The following BBS9 variants were observed in gnomAD, a reference collection of about 807,000 sequenced individuals.
BBS9 encodes Bardet-Biedl syndrome 9, also known as protein PTHB1.
Under a neutral mutation model 117.7 loss-of-function variants are expected in BBS9, and 89 were observed. The ratio of observed to expected loss-of-function variants is 0.76; its 90% confidence interval spans 0.64 to 0.90. BBS9 has a LOEUF of 0.90. BBS9 is among the 40% of genes least tolerant of loss of function. The probability of loss-of-function intolerance (pLI) is 0.00; values close to 1 mark genes in which losing one functional copy is unlikely to be tolerated. For missense variants in BBS9, 982 were observed against 1,042.2 expected (o/e 0.94, Z 0.80); for synonymous variants, 379 against 370.9 (o/e 1.02, Z -0.25).
At chr7:33,293,507 T>G (rs1049712764) in intron 9 of BBS9, among the ~76,000 whole-genome samples, 1 of 152,160 alleles carries the variant, frequency 6.6e-6, no homozygotes, top group African/African-American at 2.4e-5. Context: ...TGCAGACTTG[T>G]ATTGTTTCTA....
intron 21 of BBS9, 37 bp from the exon 22 acceptor site, chr7:33,604,828 C>G (rs1585455775): frequency 6.9e-7 from 1 of 1,451,676 alleles, no homozygotes; most frequent in East Asian, 2.3e-5. Context: ...GATTTTCTTA[C>G]ACATTGCTTA....
chr7:33,389,314 T>G (rs1253662658), intron 19 of BBS9, among the ~76,000 whole-genome samples: 1 of 152,170 alleles, frequency 6.6e-6, no homozygotes, highest in Non-Finnish European at 1.5e-5. Context: ...CAAATCAGAT[T>G]TTTGTTTTCA....
rs1251773604 is a variant in BBS9 at position 33,605,819 on chromosome 7, A to G, written c.*593A>G. 6.5e-6 allele frequency: 1 copy of G among 154,796 alleles called. No homozygotes were observed. The highest frequency in any genetic ancestry group is 2.4e-5 in the African/African-American group (1 of 41,480). 9.6% of individuals were successfully genotyped at this position (154,796 alleles called of 1,614,324 possible). ...TGTTCTATTAAGCTAAACGTGGAAG[A>G]AGGGAAGTTTTCTAGTATTGTATGA... On this transcript the variant is annotated 3_prime_UTR_variant, in exon 23 of 23. Transcript: ENST00000242067.
At chr7:33,234,097 GA>G (rs1451133723) in intron 5 of BBS9, among the ~76,000 whole-genome samples, 1 of 152,008 alleles carries the variant, frequency 6.6e-6, no homozygotes, top group Non-Finnish European at 1.5e-5. Flanking sequence ...TGATCACATC[GA>G]CTGTGGTGGT....
chr7:33,443,082 A>G (rs1481568312), intron 19 of BBS9, among the ~76,000 whole-genome samples: 1 of 152,146 alleles, frequency 6.6e-6, no homozygotes, highest in Non-Finnish European at 1.5e-5. Flanking sequence ...TCATGTACTC[A>G]TTTCTGTGAA....
intron 21 of BBS9, among the ~76,000 whole-genome samples, chr7:33,547,254 A>G (rs925345320): frequency 6.6e-6 from 1 of 152,174 alleles, no homozygotes; most frequent in Non-Finnish European, 1.5e-5. Context: ...CTATAACTAG[A>G]AGAAAAAATA....
chr7:33,459,190 G>A (rs1305451290), intron 19 of BBS9, among the ~76,000 whole-genome samples: 2 of 151,992 alleles, frequency 1.3e-5, no homozygotes, highest in African/African-American at 4.8e-5. Context: ...GTTCTTTAAC[G>A]CCAGCCAGAA....
intron 17 of BBS9, among the ~76,000 whole-genome samples, chr7:33,371,243 A>C (rs1243885217): frequency 6.6e-6 from 1 of 152,182 alleles, no homozygotes; most frequent in African/African-American, 2.4e-5. Flanking sequence ...AATTATGAGA[A>C]ACAAATTTCA....
At chr7:33,538,455 G>A (rs1360954941) in intron 21 of BBS9, among the ~76,000 whole-genome samples, 1 of 151,844 alleles carries the variant, frequency 6.6e-6, no homozygotes, top group Non-Finnish European at 1.5e-5. Flanking sequence ...TTTGAGAGAG[G>A]GATTTTAAAT....
intron 20 of BBS9, among the ~76,000 whole-genome samples, chr7:33,527,407 G>A (rs58955539): frequency 0.017 from 2,591 of 152,232 alleles, 70 homozygotes; most frequent in African/African-American, 0.059. Flanking sequence ...GAGACTCCGT[G>A]GGCGTAGGAC....
intron 5 of BBS9, among the ~76,000 whole-genome samples, chr7:33,193,540 G>C (rs1211592892): frequency 6.6e-6 from 1 of 150,398 alleles, no homozygotes; most frequent in African/African-American, 2.4e-5. Flanking sequence ...GCTTTTTTAT[G>C]GTGCTGGTGA....
chr7:33,251,632 A>G (rs1342696877), intron 5 of BBS9, among the ~76,000 whole-genome samples: 1 of 152,228 alleles, frequency 6.6e-6, no homozygotes. Context: ...TTAATACAAC[A>G]TGTAGTATAA....
intron 19 of BBS9, among the ~76,000 whole-genome samples, chr7:33,389,809 C>T (rs1351052275): frequency 1.3e-5 from 2 of 151,820 alleles, no homozygotes; most frequent in East Asian, 1.9e-4. Flanking sequence ...ATTCAAACAC[C>T]GCAGTGTTGT....
chr7:33,303,652 G>A (rs1292649879), intron 9 of BBS9, among the ~76,000 whole-genome samples: 3 of 151,690 alleles, frequency 2.0e-5, no homozygotes, highest in Non-Finnish European at 4.4e-5. Flanking sequence ...GGGATTGCAG[G>A]CATGTGCCGC....
intron 12 of BBS9, chr7:33,346,415 T>A (rs1262102758): frequency 1.6e-5 from 4 of 254,646 alleles, no homozygotes; most frequent in African/African-American, 9.2e-5. Context: ...TATTTATATA[T>A]CTAGGATAAA....
intron 5 of BBS9, among the ~76,000 whole-genome samples, chr7:33,212,220 G>A (rs1788156084): frequency 6.6e-6 from 1 of 152,078 alleles, no homozygotes; most frequent in African/African-American, 2.4e-5. Flanking sequence ...GCCCCTTTGA[G>A]GCTATTTTTT....
intron 19 of BBS9, among the ~76,000 whole-genome samples, chr7:33,406,968 C>G (rs1343653066): frequency 6.6e-6 from 1 of 151,694 alleles, no homozygotes; most frequent in Non-Finnish European, 1.5e-5. Context: ...TTTCCTGAAT[C>G]TGAATGTTGG....
At chr7:33,400,994 C>T (rs1828821310) in intron 19 of BBS9, among the ~76,000 whole-genome samples, 1 of 152,172 alleles carries the variant, frequency 6.6e-6, no homozygotes, top group South Asian at 2.1e-4. Context: ...AATACCTATC[C>T]AACTTTACCA....
intron 5 of BBS9, among the ~76,000 whole-genome samples, chr7:33,193,202 A>G (rs763418060): frequency 3.0e-4 from 45 of 152,042 alleles, no homozygotes; most frequent in Non-Finnish European, 4.7e-4. Flanking sequence ...ATATATCTAT[A>G]TATCTGTCTG....
Sources: allele counts gnomAD v4.1 joint callset (sites outside exome capture counted in the v4.1 genomes callset), GRCh38; gene constraint gnomAD v4.1.1; transcripts MANE v1.5; gene names NCBI Gene and HGNC (gene_info 2026-07-23, HGNC 2026-07-21).